Variants in UST observed in about 807,000 individuals in gnomAD.
UST encodes the protein uronyl 2-sulfotransferase.
A neutral mutation model predicts 45.6 loss-of-function variants in UST; 21 were observed. The observed-to-expected ratio is 0.46, with a 90% confidence interval of 0.33 to 0.66. The LOEUF (loss-of-function observed/expected upper bound fraction) is 0.66. UST is among the 30% of genes least tolerant of loss of function. The probability of loss-of-function intolerance (pLI) is 0.02; values close to 1 mark genes in which losing one functional copy is unlikely to be tolerated. For missense variants in UST, 463 were observed against 512.4 expected (o/e 0.90, Z 0.93); for synonymous variants, 215 against 200.6 (o/e 1.07, Z -0.61).
chr6:148,877,624 AG>A (rs1562285833), intron 1 of UST, among the ~76,000 whole-genome samples: 1 of 27,114 alleles, frequency 3.7e-5, no homozygotes, highest in African/African-American at 1.7e-4. Flanking sequence ...TATGAGTGTG[AG>A]GGGTCGTGTA....
intron 7 of UST, among the ~76,000 whole-genome samples, chr6:149,037,546 G>T (rs1052879503): frequency 1.3e-5 from 2 of 152,220 alleles, no homozygotes; most frequent in African/African-American, 4.8e-5. Flanking sequence ...TTCCAGCACA[G>T]AAGGAAGAGT....
At chr6:148,966,579 C>T (rs184819743) in intron 5 of UST, among the ~76,000 whole-genome samples, 36 of 152,372 alleles carry the variant, frequency 2.4e-4, no homozygotes, top group Admixed American at 2.3e-3. Context: ...GAGGAATGCT[C>T]TAGCTTCTTC....
At chr6:148,857,284 G>A (rs1778223612) in intron 1 of UST, among the ~76,000 whole-genome samples, 1 of 152,122 alleles carries the variant, frequency 6.6e-6, no homozygotes, top group African/African-American at 2.4e-5. Context: ...TACACACCAA[G>A]CTGATTCTGC....
chr6:149,015,393 C>T (rs1275850816), intron 5 of UST, among the ~76,000 whole-genome samples: 1 of 152,102 alleles, frequency 6.6e-6, no homozygotes, highest in Non-Finnish European at 1.5e-5. Flanking sequence ...TCTCATTTCC[C>T]TAATAATGCA....
At chr6:149,009,416 A>G (rs1159826534) in intron 5 of UST, among the ~76,000 whole-genome samples, 1 of 152,170 alleles carries the variant, frequency 6.6e-6, no homozygotes, top group African/African-American at 2.4e-5. Context: ...AGAAACCAAT[A>G]TCTTAAGCCT....
At chr6:148,859,937 A>C (rs1183976460) in intron 1 of UST, among the ~76,000 whole-genome samples, 2 of 152,176 alleles carry the variant, frequency 1.3e-5, no homozygotes, top group Non-Finnish European at 2.9e-5. Flanking sequence ...TGATGCCTCC[A>C]GCTTTGTTCT....
At chr6:148,988,714 T>G (rs955878550) in intron 5 of UST, among the ~76,000 whole-genome samples, 8 of 152,104 alleles carry the variant, frequency 5.3e-5, no homozygotes, top group African/African-American at 1.7e-4. Flanking sequence ...AGCTGTAGAT[T>G]CCTACAACAT....
chr6:148,983,770 C>T (rs17729786), intron 5 of UST, among the ~76,000 whole-genome samples: 8,835 of 152,270 alleles, frequency 0.058, 313 homozygotes, highest in East Asian at 0.085. Flanking sequence ...TAAACTTTTC[C>T]AATGTGTTGT....
At chr6:148,867,784 T>G (rs1454742965) in intron 1 of UST, among the ~76,000 whole-genome samples, 1 of 152,242 alleles carries the variant, frequency 6.6e-6, no homozygotes, top group Non-Finnish European at 1.5e-5. Context: ...GTCTCAGGTA[T>G]GTCTTTATCA....
chr6:148,791,502 C>A (rs1000706449), intron 1 of UST, among the ~76,000 whole-genome samples: 2 of 152,122 alleles, frequency 1.3e-5, no homozygotes, highest in African/African-American at 4.8e-5. Context: ...AGAGAAATGC[C>A]ACTCGAGGTC....
At chr6:148,861,250 A>G (rs1418367660) in intron 1 of UST, among the ~76,000 whole-genome samples, 2 of 152,074 alleles carry the variant, frequency 1.3e-5, no homozygotes, top group African/African-American at 4.8e-5. Flanking sequence ...CCAGGAATTT[A>G]TCCATTTCTT....
intron 1 of UST, among the ~76,000 whole-genome samples, chr6:148,761,059 G>A (rs1442729381): frequency 1.4e-4 from 21 of 152,340 alleles, no homozygotes; most frequent in Admixed American, 8.5e-4. Flanking sequence ...CGAAGCTGTG[G>A]TATTTGAGAA....
intron 1 of UST, among the ~76,000 whole-genome samples, chr6:148,806,937 C>T (rs1214262975): frequency 6.6e-6 from 1 of 152,186 alleles, no homozygotes; most frequent in East Asian, 1.9e-4. Context: ...GCCCCCATGA[C>T]CTGGTCACCT....
At chr6:148,912,676 G>T (rs139346680) in intron 2 of UST, among the ~76,000 whole-genome samples, 1,769 of 152,324 alleles carry the variant, frequency 0.012, 40 homozygotes, top group African/African-American at 0.041. Flanking sequence ...CTAAGGAGTT[G>T]TCAGGTGTGG....
At chr6:148,830,394 C>T (rs1777660271) in intron 1 of UST, among the ~76,000 whole-genome samples, 1 of 152,210 alleles carries the variant, frequency 6.6e-6, no homozygotes, top group South Asian at 2.1e-4. Flanking sequence ...ATAGACCCAA[C>T]ACATATTCTA....
At chr6:149,070,160 C>G (rs977950835) in intron 7 of UST, among the ~76,000 whole-genome samples, 1 of 152,136 alleles carries the variant, frequency 6.6e-6, no homozygotes, top group Non-Finnish European at 1.5e-5. Flanking sequence ...ATGTATAGTG[C>G]TCTAAGAGGA....
intron 1 of UST, among the ~76,000 whole-genome samples, chr6:148,861,595 G>A (rs1305100924): frequency 1.3e-5 from 2 of 152,164 alleles, no homozygotes; most frequent in African/African-American, 4.8e-5. Flanking sequence ...ATATTAGGGT[G>A]TCAATTTTAG....
intron 2 of UST, among the ~76,000 whole-genome samples, chr6:148,889,700 G>T (rs1778979155): frequency 6.6e-6 from 1 of 151,956 alleles, no homozygotes; most frequent in Non-Finnish European, 1.5e-5. Flanking sequence ...TTGCCTTTTT[G>T]ACCTTTTTCC....
chr6:149,008,564 C>T (rs925556353), intron 5 of UST, among the ~76,000 whole-genome samples: 3 of 152,140 alleles, frequency 2.0e-5, no homozygotes, highest in African/African-American at 7.2e-5. Context: ...AGAAGGCATA[C>T]AATGTTGGTA....
Sources: allele counts gnomAD v4.1 joint callset (sites outside exome capture counted in the v4.1 genomes callset), GRCh38; gene constraint gnomAD v4.1.1; transcripts MANE v1.5; gene names NCBI Gene and HGNC (gene_info 2026-07-23, HGNC 2026-07-21).